The following FAM117A variants were observed in gnomAD, a reference collection of about 807,000 sequenced individuals.
FAM117A encodes protein FAM117A.
Under a neutral mutation model 44.1 loss-of-function variants are expected in FAM117A, and 21 were observed. That is an observed-to-expected ratio of 0.48 (90% confidence interval 0.34 to 0.69). FAM117A has a LOEUF of 0.69. FAM117A is among the 30% of genes least tolerant of loss of function. The pLI, the probability that FAM117A is intolerant of heterozygous loss-of-function variation, is 0.01. For missense variants in FAM117A, 498 were observed against 589.9 expected (o/e 0.84, Z 1.61); for synonymous variants, 220 against 238.3 (o/e 0.92, Z 0.71).
intron 1 of FAM117A, among the ~76,000 whole-genome samples, chr17:49,758,508 C>CA (rs986171356): frequency 3.4e-4 from 51 of 151,214 alleles, no homozygotes; most frequent in African/African-American, 9.7e-4. Context: ...CCTGTGGTCC[C>CA]AGCTACTTGG....
At chr17:49,750,988 G>C (rs1354201373) in intron 1 of FAM117A, among the ~76,000 whole-genome samples, 1 of 152,012 alleles carries the variant, frequency 6.6e-6, no homozygotes, top group East Asian at 1.9e-4. Flanking sequence ...AAGTAGGAAA[G>C]AAAGGTTTCG....
At chr17:49,741,806 A>G (rs2143753567) in intron 1 of FAM117A, among the ~76,000 whole-genome samples, 1 of 152,324 alleles carries the variant, frequency 6.6e-6, no homozygotes, top group East Asian at 1.9e-4. Flanking sequence ...GGGATTAAAC[A>G]GGGCAGGCCG....
At chr17:49,715,373 T>G (rs1196747105) in intron 7 of FAM117A, among the ~76,000 whole-genome samples, 2 of 152,160 alleles carry the variant, frequency 1.3e-5, no homozygotes, top group Non-Finnish European at 2.9e-5. Context: ...ACATCTTCAC[T>G]CACACACCAT....
chr17:49,756,425 G>A (rs1054035796), intron 1 of FAM117A, among the ~76,000 whole-genome samples: 10 of 152,016 alleles, frequency 6.6e-5, no homozygotes, highest in Non-Finnish European at 4.4e-5. Context: ...GGCAGAGCTC[G>A]GGGTGAACTA....
chr17:49,769,182 C>T (rs1461962186), intron 1 of FAM117A, among the ~76,000 whole-genome samples: 4 of 152,106 alleles, frequency 2.6e-5, no homozygotes, highest in Non-Finnish European at 5.9e-5. Flanking sequence ...GTAGTCCCAG[C>T]TGCTTGGGAG....
rs2073604777 is a variant in FAM117A at position 49,735,091 on chromosome 17, T to G, written c.197-2371A>C. Among the ~76,000 whole-genome samples, 3 of 152,186 alleles carry G rather than the reference T, an allele frequency of 2.0e-5. No homozygotes were observed. In the South Asian group the frequency reaches 6.2e-4, roughly 31 times the overall value. ...AAATTCAGGTTGTGGAAATGGACCC[T>G]GGTTATGGTTGCACAACATTGTAAA... is the stretch of plus-strand genomic sequence containing the variant. On this transcript the variant is annotated intron_variant, in intron 1 of 7. Coordinates refer to ENST00000240364, the MANE Select transcript of FAM117A (RefSeq NM_030802.4).
chr17:49,724,934 C>T (rs1401179732), intron 2 of FAM117A, among the ~76,000 whole-genome samples: 2 of 152,056 alleles, frequency 1.3e-5, no homozygotes, highest in African/African-American at 2.4e-5. Flanking sequence ...CAAGTGACCC[C>T]ACCTCTCTCC....
rs1252055589 is a variant in FAM117A at position 49,724,481 on chromosome 17, C to G, written c.367-1887G>C. ...TCTCTTGCAAACTCTTCAAGTACCT[C>G]TTTCTTCTGGGATATGCGAGAGGAT... is the stretch of plus-strand genomic sequence containing the variant. On this transcript the variant is annotated intron_variant, in intron 2 of 7. Coordinates refer to ENST00000240364, the MANE Select transcript of FAM117A (RefSeq NM_030802.4). 5 of 456,272 alleles carry G rather than the reference C, an allele frequency of 1.1e-5. No individual in the cohort carries two copies. The East Asian group carries it at 2.8e-4, about 25-fold the overall frequency. The allele number at this position is 456,272 out of a possible 1,614,324, so 28.3% of individuals were successfully genotyped here.
chr17:49,711,304 G>A lies in FAM117A; in HGVS notation c.1313C>T (p.Thr438Ile). ...SPLPFEPWQRTPPSEEPVLFQ... is the reference protein window; with the variant it reads ...SPLPFEPWQRIPPSEEPVLFQ... ...AAGCACAGGCTCTTCTGATGGTGGG[G>A]TGCGCTGCCATGGCTCGAATGGCAG... Residue 438 changes from threonine to isoleucine, a missense_variant, in exon 8 of 8, where the codon ACC (threonine) becomes ATC (isoleucine). Around this residue, in one of 3 missense-constraint regions of FAM117A, gnomAD observed 224 missense variants for 296.5 expected, o/e 0.76. Transcript: ENST00000240364. The A allele has an allele frequency of 6.2e-7, 1 of 1,610,394 alleles. No individual in the cohort carries two copies. Among genetic ancestry groups the A allele is most frequent in the Non-Finnish European group, 8.5e-7 (1 of 1,177,676 alleles).
intron 1 of FAM117A, among the ~76,000 whole-genome samples, chr17:49,735,010 G>A (rs1453846564): frequency 2.0e-5 from 3 of 152,182 alleles, no homozygotes; most frequent in African/African-American, 7.2e-5. Flanking sequence ...CTTAGGAGGA[G>A]GAGGGGGAGT....
At chr17:49,722,703 G>C in intron 2 of FAM117A, 109 bp from the exon 3 acceptor site, 1 of 825,760 alleles carries the variant, frequency 1.2e-6, no homozygotes, top group Non-Finnish European at 2.0e-6. Flanking sequence ...CCTTCTCTCT[G>C]CTCATCAACC....
At chr17:49,736,721 A>T (rs529600350) in intron 1 of FAM117A, among the ~76,000 whole-genome samples, 73 of 152,306 alleles carry the variant, frequency 4.8e-4, no homozygotes, top group African/African-American at 1.7e-3. Flanking sequence ...GCCCAGGGTT[A>T]AAATCTGTTC....
At chr17:49,731,218 C>G (rs1307742427) in intron 2 of FAM117A, among the ~76,000 whole-genome samples, 1 of 152,236 alleles carries the variant, frequency 6.6e-6, no homozygotes, top group East Asian at 1.9e-4. Flanking sequence ...CACTCTCCAC[C>G]CAGTTTGCAA....
rs752742251 is a variant in FAM117A at position 49,711,456 on chromosome 17, C to T, written c.1161G>A (p.Met387Ile). Residue 387 changes from methionine to isoleucine, a missense_variant, in exon 8 of 8, where the codon ATG becomes ATA. Transcript: ENST00000240364. ...TGSAFCPVNL[M>I]KPLFPGMGFI... ...AGCCCATGCCGGGGAAGAGGGGCTT[C>T]ATCAGGTTGACGGGGCAGAAGGCTG... 4 of 1,613,974 alleles carry T rather than the reference C, an allele frequency of 2.5e-6. No homozygotes were observed. The Admixed American group carries it at 6.7e-5, about 27-fold the overall frequency.
intron 1 of FAM117A, among the ~76,000 whole-genome samples, chr17:49,738,035 A>T (rs563034791): frequency 6.6e-6 from 1 of 152,202 alleles, no homozygotes; most frequent in Non-Finnish European, 1.5e-5. Flanking sequence ...ATTGTCTCCA[A>T]TGACCTATTT....
chr17:49,764,051 C>T lies in FAM117A; in HGVS notation c.37G>A (p.Ala13Thr), dbSNP rs1383360682. The change falls in exon 1 of 8, where the codon GCC becomes ACC. Residue 13 changes from alanine (A) to threonine (T), a missense_variant. Transcript: ENST00000240364. ...GCCCCTCCGCGCCCCGGCCCCCAGG[C>T]ACCTCCGCCTCTGCCGCCCGCTGCG... ...GAAAGGRGGG[A>T]WGPGRGGAGG... 2 of 1,231,122 alleles carry T rather than the reference C, an allele frequency of 1.6e-6. No homozygotes were observed. Among genetic ancestry groups the T allele is most frequent in the African/African-American group, 1.6e-5 (1 of 63,888 alleles). The allele number at this position is 1,231,122 out of a possible 1,614,324, so 76.3% of individuals were successfully genotyped here.
At chr17:49,752,264 G>A (rs1445205687) in intron 1 of FAM117A, among the ~76,000 whole-genome samples, 2 of 152,188 alleles carry the variant, frequency 1.3e-5, no homozygotes, top group Admixed American at 1.3e-4. Context: ...GCACATGCCT[G>A]TCTCGGAAGA....
intron 2 of FAM117A, among the ~76,000 whole-genome samples, chr17:49,727,239 C>G (rs183441595): frequency 1.3e-5 from 2 of 151,874 alleles, no homozygotes; most frequent in Non-Finnish European, 2.9e-5. Context: ...AACTCCGTCT[C>G]TACTAAAAAT....
chr17:49,770,909 A>C (rs893536653), intron 1 of FAM117A, among the ~76,000 whole-genome samples: 3 of 151,492 alleles, frequency 2.0e-5, no homozygotes, highest in African/African-American at 7.3e-5. Flanking sequence ...GTCTCAAAAA[A>C]ATAAAAATAA....
Sources: allele counts gnomAD v4.1 joint callset (sites outside exome capture counted in the v4.1 genomes callset), GRCh38; gene constraint gnomAD v4.1.1; regional missense constraint gnomAD v4.1.1; transcripts MANE v1.5; gene names NCBI Gene and HGNC (gene_info 2026-07-23, HGNC 2026-07-21).